The following APOL5 variants were observed in gnomAD, a reference collection of about 807,000 sequenced individuals.
APOL5 encodes apolipoprotein L, 5.
Under a neutral mutation model 35.5 loss-of-function variants are expected in APOL5, and 29 were observed. The observed-to-expected ratio is 0.82, with a 90% CI of 0.61 to 1.11. APOL5 has a LOEUF of 1.11. Ranked by LOEUF, APOL5 falls within the 50% of genes most tolerant of loss-of-function variation. The pLI is 0.00. For missense variants in APOL5, 514 were observed against 530.4 expected (o/e 0.97, Z 0.30); for synonymous variants, 188 against 200.2 (o/e 0.94, Z 0.51).
At chr22:35,727,840 C>T (rs1601900752) in intron 3 of APOL5, among the ~76,000 whole-genome samples, 1 of 152,298 alleles carries the variant, frequency 6.6e-6, no homozygotes. Context: ...TTTCTAGACT[C>T]TCCTATGTAG....
intron 1 of APOL5, among the ~76,000 whole-genome samples, chr22:35,718,548 C>A: frequency 7.2e-6 from 1 of 138,870 alleles, no homozygotes; most frequent in African/African-American, 2.7e-5. Context: ...ACTGGGAGAT[C>A]GCGCCATTGC....
At position 35,726,646 on chromosome 22, in the gene APOL5, G is replaced by A. The variant is rs747447777; in HGVS notation, c.578G>A (p.Arg193Lys). ...ATAGTAACAAATGTCTTAGAAAATAGAAGCAATTCAGCAGCAAGAGACAAA... is the reference window on the plus strand; with the variant it reads ...ATAGTAACAAATGTCTTAGAAAATAAAAGCAATTCAGCAGCAAGAGACAAA... Reference protein sequence around the residue: ...TNIVTNVLENRSNSAARDKAS... With the variant: ...TNIVTNVLENKSNSAARDKAS... The change falls in exon 3 of 5, where the codon AGA becomes AAA. Residue 193 changes from arginine to lysine, a missense_variant. This residue lies in a region of APOL5 where 254 missense variants were observed against 254.7 expected (regional missense o/e 1.00). Coordinates refer to ENST00000249044, the MANE Select transcript of APOL5 (RefSeq NM_030642.1). The A allele has an allele frequency of 1.1e-5, 17 of 1,614,096 alleles. No individual in the cohort carries two copies. The African/African-American group carries it at 2.0e-4, about 19-fold the overall frequency.
At chr22:35,728,621 C>A in intron 3 of APOL5, 102 bp from the exon 4 acceptor site, 4 of 1,361,778 alleles carry the variant, frequency 2.9e-6, no homozygotes, top group Non-Finnish European at 4.0e-6. Context: ...CTTCTCAAAG[C>A]CAATAGAAAT....
chr22:35,725,737 G>A (rs1927129088), intron 2 of APOL5, among the ~76,000 whole-genome samples: 1 of 152,154 alleles, frequency 6.6e-6, no homozygotes, highest in Non-Finnish European at 1.5e-5. Flanking sequence ...GGCGACAGCT[G>A]AGCCATTGAG....
chr22:35,715,329 G>A (rs1601892140), upstream of APOL5, among the ~76,000 whole-genome samples: 1 of 152,304 alleles, frequency 6.6e-6, no homozygotes, highest in East Asian at 1.9e-4. Context: ...AGGGAGAGCT[G>A]AGCAAGATTT....
rs1265983496 is a variant in APOL5, at chr22:35,728,761, C to T, written c.1165C>T (p.Gln389Ter). ...TCTCCCCTGGCCTGTTGTGGAGCACCAGCCTAGGCTGGGCCCTGGCGTGGC... is the reference window on the plus strand; with the variant it reads ...TCTCCCCTGGCCTGTTGTGGAGCACTAGCCTAGGCTGGGCCCTGGCGTGGC... ...SPLPWPVVEH[Q>*]PRLGPGVALR... Residue 389 changes from glutamine (Q) to a stop codon, truncating the protein, a stop_gained, in exon 4 of 5, where the codon CAG becomes TAG. Coordinates refer to ENST00000249044, the MANE Select transcript of APOL5 (RefSeq NM_030642.1). LOFTEE classifies it high-confidence loss of function. 1 of 1,613,336 alleles carries T rather than the reference C, an allele frequency of 6.2e-7. No homozygotes were observed. The highest frequency in any genetic ancestry group is 2.2e-5 in the East Asian group (1 of 44,812).
chr22:35,720,694 T>C (rs1926941487), intron 2 of APOL5, 40 bp downstream of exon 2: 2 of 1,398,064 alleles, frequency 1.4e-6, no homozygotes, highest in Middle Eastern at 1.8e-4. Context: ...ATGGCCACAA[T>C]CCCAGCATCC....
chr22:35,718,020 C>A, intron 1 of APOL5, 94 bp downstream of exon 1: 1 of 991,202 alleles, frequency 1.0e-6, no homozygotes, highest in Non-Finnish European at 1.4e-6. Context: ...TTTTTTATAC[C>A]CACCATATGC....
intron 2 of APOL5, among the ~76,000 whole-genome samples, chr22:35,721,510 C>A (rs571553636): frequency 8.6e-5 from 13 of 151,314 alleles, no homozygotes; most frequent in Non-Finnish European, 1.5e-4. Context: ...ACCACTACTG[C>A]ACTCTAGCCT....
chr22:35,709,431 G>A, the APOL5 span, among the ~76,000 whole-genome samples: 4 of 152,002 alleles, frequency 2.6e-5, no homozygotes, highest in Admixed American at 6.6e-5. Flanking sequence ...TATTGTAGGC[G>A]CCAGTCTGTT....
upstream of APOL5, among the ~76,000 whole-genome samples, chr22:35,715,472 C>T (rs1926716735): frequency 6.6e-6 from 1 of 152,138 alleles, no homozygotes. Flanking sequence ...ATGGTGAAAC[C>T]CCGTCTCTAC....
intron 1 of APOL5, among the ~76,000 whole-genome samples, chr22:35,718,322 T>A (rs1601894220): frequency 1.3e-5 from 2 of 152,278 alleles, no homozygotes; most frequent in South Asian, 2.1e-4. Flanking sequence ...AAAACTGTTA[T>A]GACCCCAAAG....
At chr22:35,727,337 CCT>C (rs1927208094) in intron 3 of APOL5, 143 bp downstream of exon 3, 2 of 1,255,470 alleles carry the variant, frequency 1.6e-6, no homozygotes, top group Non-Finnish European at 2.2e-6. Context: ...GCCGCACACC[CCT>C]GACATTAACT....
chr22:35,714,713 G>C (rs1457105037), upstream of APOL5, among the ~76,000 whole-genome samples: 1 of 152,220 alleles, frequency 6.6e-6, no homozygotes, highest in African/African-American at 2.4e-5. Flanking sequence ...CGACTGAGAA[G>C]AGTTGAGAAA....
At chr22:35,710,113 CTTTTTTTTTTTTT>C in the APOL5 span, among the ~76,000 whole-genome samples, 8 of 86,710 alleles carry the variant, frequency 9.2e-5, no homozygotes, top group South Asian at 4.0e-4. Context: ...CTTTCTTTCT[CTTTTTTTTTTTTT>C]TTTTTTTTTT....
In APOL5 at chr22:35,726,932, C is replaced by T. The variant is rs1179176015; in HGVS notation, c.864C>T (p.Thr288=). 1.2e-6 allele frequency: 2 copies of T among 1,614,034 alleles called. No homozygotes were observed. The highest frequency in any genetic ancestry group is 1.7e-6 in the Non-Finnish European group (2 of 1,180,032). The change falls in exon 3 of 5, where the codon ACC becomes ACT. Residue 288 remains threonine, a synonymous_variant. Coordinates refer to ENST00000249044, the MANE Select transcript of APOL5 (RefSeq NM_030642.1). ...TTGAGGGCACAACTCTGGCCATGACCAATGGTGCCTGGGTGATGGGTGCTG... is the reference window on the plus strand; with the variant it reads ...TTGAGGGCACAACTCTGGCCATGACTAATGGTGCCTGGGTGATGGGTGCTG... The part of the protein sequence containing the change: ...RAFEGTTLAM[T]NGAWVMGAAG...
At chr22:35,727,694 C>G (rs1423771908) in intron 3 of APOL5, among the ~76,000 whole-genome samples, 1 of 152,144 alleles carries the variant, frequency 6.6e-6, no homozygotes, top group Non-Finnish European at 1.5e-5. Flanking sequence ...TACCAGTATC[C>G]CCAGCACCTA....
In APOL5 at chr22:35,729,045, T is replaced by A; in HGVS notation, c.*6+141T>A. 4.3e-6 allele frequency: 4 copies of A among 928,238 alleles called. No homozygotes were observed. The South Asian group carries it at 8.0e-5, about 19-fold the overall frequency. 57.5% of individuals were successfully genotyped at this position (928,238 alleles called of 1,614,324 possible). ...GTTGCTACCTTTCCATCCGGCCACC[T>A]GCCACGCCACCTGGTGCCTTTGCCA... On this transcript the variant is annotated intron_variant, in intron 4 of 4. Transcript: ENST00000249044.
Position 35,717,899 on chromosome 22 carries a change from C to T in APOL5, c.28C>T (p.Gln10Ter), listed in dbSNP as rs765039172. MPCGKQGNL[Q>*]VPGSKVLPGL... Reference sequence around the variant, plus strand: ...GCCATGTGGCAAACAAGGAAATTTGCAAGTTCCCGGTTCCAAGGTGTTACC... The same window carrying T: ...GCCATGTGGCAAACAAGGAAATTTGTAAGTTCCCGGTTCCAAGGTGTTACC... Residue 10 changes from glutamine (Q) to a stop codon, truncating the protein, a stop_gained, in exon 1 of 5, where the codon CAA becomes TAA. Transcript: ENST00000249044. LOFTEE classifies it high-confidence loss of function. 17 of 1,588,364 alleles carry T rather than the reference C, an allele frequency of 1.1e-5. No individual in the cohort carries two copies. The highest frequency in any genetic ancestry group is 1.5e-5 in the Non-Finnish European group (17 of 1,167,404).
Sources: gnomAD v4.1 joint callset for allele counts (sites outside exome capture counted in the v4.1 genomes callset) on GRCh38, gnomAD v4.1.1 for gene constraint, gnomAD v4.1.1 regional missense constraint, MANE v1.5 for transcripts, NCBI Gene and HGNC (gene_info 2026-07-23, HGNC 2026-07-21) for gene names.